RBFOX3: variants seen among roughly 807,000 people sequenced by gnomAD.
RBFOX3 encodes RNA binding protein fox-1 homolog 3.
In RBFOX3, 17 loss-of-function variants were observed where a neutral mutation model predicts 48.7. The ratio of observed to expected loss-of-function variants is 0.35; its 90% confidence interval spans 0.24 to 0.52. The LOEUF (loss-of-function observed/expected upper bound fraction) is 0.52. Ranked by LOEUF, RBFOX3 falls within the 20% of genes least tolerant of loss-of-function variation. The pLI is 0.94. For missense variants in RBFOX3, 382 were observed against 497.5 expected (o/e 0.77, Z 2.21); for synonymous variants, 212 against 209.5 (o/e 1.01, Z -0.10).
chr17:79,240,027 C>T (rs1164962540), intron 3 of RBFOX3, among the ~76,000 whole-genome samples: 4 of 152,188 alleles, frequency 2.6e-5, no homozygotes, highest in African/African-American at 7.2e-5. Flanking sequence ...CCCACCTTCG[C>T]ACTAGTCCCT....
chr17:79,578,600 C>T (rs2092940505), intron 1 of RBFOX3, among the ~76,000 whole-genome samples: 1 of 152,270 alleles, frequency 6.6e-6, no homozygotes, highest in Admixed American at 6.5e-5. Context: ...CACATTCGTG[C>T]ACCTTTTCCG....
At chr17:79,360,702 G>T (rs958747029) in intron 2 of RBFOX3, among the ~76,000 whole-genome samples, 1 of 151,990 alleles carries the variant, frequency 6.6e-6, no homozygotes, top group African/African-American at 2.4e-5. Context: ...AATTTATAGG[G>T]TTATCGGTGT....
intron 2 of RBFOX3, among the ~76,000 whole-genome samples, chr17:79,394,631 A>G (rs2061765264): frequency 6.6e-6 from 1 of 152,248 alleles, no homozygotes; most frequent in African/African-American, 2.4e-5. Context: ...ACAGGTCCAC[A>G]GAGTAAACAA....
intron 6 of RBFOX3, among the ~76,000 whole-genome samples, chr17:79,106,175 C>T (rs192057931): frequency 9.9e-4 from 150 of 152,064 alleles, no homozygotes; most frequent in African/African-American, 3.5e-3. Flanking sequence ...GCCCGGCCCC[C>T]GGGCACACAA....
Position 79,418,519 on chromosome 17 carries a change from A to G in RBFOX3, c.-175+63935T>C, listed in dbSNP as rs185137270. Among the ~76,000 whole-genome samples, 3 of 152,360 alleles carry G rather than the reference A, an allele frequency of 2.0e-5. No individual in the cohort carries two copies. The East Asian group carries it at 5.8e-4, about 29-fold the overall frequency. The stretch of plus-strand genomic sequence containing the variant: ...GGCCTCTGGCCAAGAGCAAGAAGAA[A>G]GGCACAGACATAGATGCCCAGACAT... On this transcript the variant is annotated intron_variant, in intron 2 of 14. Coordinates refer to ENST00000693108, the MANE Select transcript of RBFOX3 (RefSeq NM_001350451.2). This position sits in a 1 kb window ranked among gnomAD's most constrained non-coding sequence, Gnocchi z 5.0.
chr17:79,464,048 T>C lies in RBFOX3; in HGVS notation c.-175+18406A>G, dbSNP rs116145083. On this transcript the variant is annotated intron_variant, in intron 2 of 14. Transcript: ENST00000693108. ...GGGCTGCTCTGCAAAAACAAACTCC[T>C]CCTGGGCTTAACCGTAAGCCCTTGG... 7.6e-3 allele frequency among the ~76,000 whole-genome samples: 1,156 copies of C among 152,304 alleles called. 17 individuals are homozygous for C. The highest frequency in any genetic ancestry group is 0.026 in the African/African-American group (1,094 of 41,568).
At chr17:79,347,527 T>G (rs764564760) in intron 2 of RBFOX3, among the ~76,000 whole-genome samples, 40 of 152,194 alleles carry the variant, frequency 2.6e-4, no homozygotes, top group Non-Finnish European at 5.3e-4. Flanking sequence ...CCTCCTTGTG[T>G]TAGAACTTTT....
intron 4 of RBFOX3, among the ~76,000 whole-genome samples, chr17:79,141,323 C>T (rs941945653): frequency 2.0e-5 from 3 of 152,196 alleles, no homozygotes; most frequent in Non-Finnish European, 2.9e-5. Flanking sequence ...GGGGGCCAGC[C>T]AGGAGCCCCC....
rs2086485520 is a variant in RBFOX3, at chr17:79,362,173, GA to G, written c.-174-54350del. On this transcript the variant is annotated intron_variant, in intron 2 of 14. Coordinates refer to ENST00000693108, the MANE Select transcript of RBFOX3 (RefSeq NM_001350451.2). This position sits in a 1 kb window ranked among gnomAD's most constrained non-coding sequence, Gnocchi z 4.2. ...GCCACGGCCAAGCGCTGAGCCAACA[GA>G]GTTTGCCTCCTGCCTCACACCGGGG... 6.6e-6 allele frequency among the ~76,000 whole-genome samples: 1 copy of G among 152,240 alleles called. No homozygotes were observed. Among genetic ancestry groups the G allele is most frequent in the African/African-American group, 2.4e-5 (1 of 41,468 alleles).
chr17:79,401,802 C>A (rs1048373846), intron 2 of RBFOX3, among the ~76,000 whole-genome samples: 2 of 152,212 alleles, frequency 1.3e-5, no homozygotes, highest in African/African-American at 4.8e-5. Context: ...GTCTGACGAC[C>A]GGCTCCAGAT....
rs140075908 is a variant in RBFOX3 at position 79,095,177 on chromosome 17, G to C, written c.998+336C>G. ...TCTGAGGGGAAAGGCACTAGGCTAG[G>C]TTGCTCCAGGAGGAAGCACTCAAGC... is the stretch of plus-strand genomic sequence containing the variant. On this transcript the variant is annotated intron_variant, in intron 13 of 14. Coordinates refer to ENST00000693108, the MANE Select transcript of RBFOX3 (RefSeq NM_001350451.2). 7.9e-3 allele frequency among the ~76,000 whole-genome samples: 1,204 copies of C among 151,958 alleles called. 17 individuals carry two copies. Among genetic ancestry groups the C allele is most frequent in the African/African-American group, 0.028 (1,149 of 41,430 alleles).
chr17:79,616,264 G>A, the RBFOX3 span, among the ~76,000 whole-genome samples: 4 of 152,004 alleles, frequency 2.6e-5, no homozygotes, highest in South Asian at 2.1e-4. Context: ...GGCCGGGCAC[G>A]GTGGCTCACA....
In RBFOX3 at chr17:79,101,516, C is replaced by T. The variant is rs374601517; in HGVS notation, c.568+68G>A. 1.7e-5 allele frequency: 23 copies of T among 1,387,124 alleles called. No individual in the cohort carries two copies. The African/African-American group carries it at 3.0e-4, about 18-fold the overall frequency. The allele number at this position is 1,387,124 out of a possible 1,614,324, so 85.9% of individuals were successfully genotyped here. A position where few individuals can be genotyped will look rare whatever the true frequency, so the allele number is the denominator to read the frequency against. ...CAGGAAGGTCAGCCTGCAGCAGCCT[C>T]AGCTCCCCCAGGGCCTCTGTCCCAG... On this transcript the variant is annotated intron_variant, in intron 9 of 14. Coordinates refer to ENST00000693108, the MANE Select transcript of RBFOX3 (RefSeq NM_001350451.2).
rs768508558 is a variant in RBFOX3, at chr17:79,106,708, T to C, written c.303A>G (p.Leu101=). Residue 101 remains leucine (L), a synonymous_variant, in exon 6 of 15, where the codon CTA becomes CTG. Transcript: ENST00000693108. ...ACCGGAAGGGGATGTTGGAGACGTG[T>C]AGCCGCTTGGGCTGCTGCTTCTCTG... ...DPTEKQQPKR[L]HVSNIPFRFR... The C allele has an allele frequency of 2.2e-5, 33 of 1,498,160 alleles. No individual in the cohort carries two copies. The African/African-American group carries it at 4.5e-4, about 20-fold the overall frequency. The allele number at this position is 1,498,160 out of a possible 1,614,324, so 92.8% of individuals were successfully genotyped here. A position where few individuals can be genotyped will look rare whatever the true frequency, so the allele number is the denominator to read the frequency against.
At chr17:79,323,518 G>A (rs567672710) in intron 2 of RBFOX3, among the ~76,000 whole-genome samples, 5 of 152,348 alleles carry the variant, frequency 3.3e-5, no homozygotes, top group Admixed American at 1.3e-4. Context: ...ACGGTAGCAC[G>A]TTTTGCAGCC....
rs149372364 is a variant in RBFOX3 at position 79,236,187 on chromosome 17, G to A, written c.-73-382C>T. The stretch of plus-strand genomic sequence containing the variant: ...GGCCTTGTGGCTTGTTGATGGTGAC[G>A]TTTAGTTTCACACTGGGTTTCCTCT... On this transcript the variant is annotated intron_variant, in intron 3 of 14. Transcript: ENST00000693108. Among the ~76,000 whole-genome samples the A allele has an allele frequency of 9.6e-3, 1,467 of 152,316 alleles. 17 individuals are homozygous for A. The highest frequency in any genetic ancestry group is 0.017 in the South Asian group (80 of 4,828).
chr17:79,177,475 T>C (rs2050840908), intron 4 of RBFOX3, among the ~76,000 whole-genome samples: 2 of 152,110 alleles, frequency 1.3e-5, no homozygotes, highest in Non-Finnish European at 2.9e-5. Context: ...TGCAGCGTTC[T>C]CCCCTGCCCT....
intron 4 of RBFOX3, among the ~76,000 whole-genome samples, chr17:79,116,950 A>T (rs959940225): frequency 6.6e-5 from 10 of 152,200 alleles, no homozygotes; most frequent in African/African-American, 2.4e-4. Context: ...TCCTCCAGCA[A>T]TCTGCGTGCA....
intron 2 of RBFOX3, among the ~76,000 whole-genome samples, chr17:79,322,497 T>C (rs564194293): frequency 6.6e-6 from 1 of 152,272 alleles, no homozygotes; most frequent in East Asian, 1.9e-4. Context: ...GTGTAACAGA[T>C]TGGGCTAGTA....
Sources: allele counts gnomAD v4.1 joint callset (sites outside exome capture counted in the v4.1 genomes callset), GRCh38; gene constraint gnomAD v4.1.1; non-coding constraint Gnocchi (gnomAD v3.1); transcripts MANE v1.5; gene names NCBI Gene and HGNC (gene_info 2026-07-23, HGNC 2026-07-21).